The following A2ML1 variants were observed in gnomAD, a reference collection of about 807,000 sequenced individuals.
A2ML1 encodes alpha-2-macroglobulin like 1, also known as alpha-2-macroglobulin-like protein 1.
A2ML1 carries 161 observed loss-of-function variants against 181.9 expected under a neutral mutation model. The observed-to-expected ratio is 0.89, with a 90% CI of 0.78 to 1.01. The LOEUF (loss-of-function observed/expected upper bound fraction) is 1.01, where lower values mean the gene tolerates loss of function less well. Ranked by LOEUF, A2ML1 falls within the 50% of genes least tolerant of loss-of-function variation. The pLI is 0.00. For missense variants in A2ML1, 1,670 were observed against 1,768.1 expected (o/e 0.94, Z 1.00); for synonymous variants, 663 against 666.8 (o/e 0.99, Z 0.09).
chr12:8,885,223 T>C (rs996484094), intron 7 of A2ML1, among the ~76,000 whole-genome samples: 1 of 152,194 alleles, frequency 6.6e-6, no homozygotes, highest in African/African-American at 2.4e-5. Context: ...AATTTTAATA[T>C]AGTTCAAGTG....
At chr12:8,878,271 T>G (rs1456172008), downstream of A2ML1, among the ~76,000 whole-genome samples, 1 of 152,126 alleles carries the variant, frequency 6.6e-6, no homozygotes, top group Non-Finnish European at 1.5e-5. This position sits in a 1 kb window ranked among gnomAD's most constrained non-coding sequence, Gnocchi z 4.4. Context: ...CCATCGCACT[T>G]CAGCCTGGGC....
Position 8,855,698 on chromosome 12 carries a change from A to C in A2ML1, c.2848+106A>C, listed in dbSNP as rs112974204. On this transcript the variant is annotated intron_variant, in intron 23 of 35. Coordinates refer to ENST00000299698, the MANE Select transcript of A2ML1 (RefSeq NM_144670.6). The stretch of plus-strand genomic sequence containing the variant: ...GACCTATCCGGAGAGTGTAACTAAT[A>C]ACAAGTGATGAAGGAAAAAGAGCGT... 1.2e-3 allele frequency: 1,284 copies of C among 1,035,580 alleles called. 11 individuals are homozygous for C. In the African/African-American group the frequency reaches 0.018, roughly 15 times the overall value. 64.1% of individuals were successfully genotyped at this position (1,035,580 alleles called of 1,614,324 possible).
rs753356873 is a variant in A2ML1, at chr12:8,834,647, G to C, written c.463-15G>C. 6.2e-7 allele frequency: 1 copy of C among 1,613,862 alleles called. No individual in the cohort carries two copies. The highest frequency in any genetic ancestry group is 1.7e-5 in the Admixed American group (1 of 59,936). ...CAACCTTCTTTAACCCGCATTATCT[G>C]GTTTTCCTTTTCAGTACTCCATGGT... On this transcript the variant is annotated splice_polypyrimidine_tract_variant and intron_variant, in intron 4 of 35. Coordinates refer to ENST00000299698, the MANE Select transcript of A2ML1 (RefSeq NM_144670.6).
At chr12:8,845,890 A>AAAATAAAAT (rs924889702) in intron 13 of A2ML1, among the ~76,000 whole-genome samples, 187 bp from the exon 14 acceptor site, 1 of 132,852 alleles carries the variant, frequency 7.5e-6, no homozygotes, top group Non-Finnish European at 1.5e-5. Context: ...AAAATAAAAT[A>AAAATAAAAT]AAAAAATTCT....
chr12:8,836,140 C>A, intron 6 of A2ML1, 115 bp from the exon 7 acceptor site: 7 of 717,724 alleles, frequency 9.8e-6, no homozygotes, highest in Admixed American at 5.2e-5. Flanking sequence ...CTAAATAATG[C>A]CTCCTTCATT....
At chr12:8,838,187 GT>G (rs1480844964) in intron 8 of A2ML1, 148 bp from the exon 9 acceptor site, 8 of 543,326 alleles carry the variant, frequency 1.5e-5, no homozygotes, top group African/African-American at 3.8e-5. Flanking sequence ...ATGTGCAAGT[GT>G]ATACTTCATG....
intron 33 of A2ML1, among the ~76,000 whole-genome samples, chr12:8,870,347 A>G (rs1253788609): frequency 6.6e-6 from 1 of 151,974 alleles, no homozygotes; most frequent in East Asian, 1.9e-4. Flanking sequence ...AGCTCACTGT[A>G]AGCTCTGCCT....
Position 8,823,846 on chromosome 12 carries a change from C to G in A2ML1, c.373C>G (p.Gln125Glu). The change falls in exon 3 of 36, where the codon CAG becomes GAG. Residue 125 changes from glutamine to glutamate, a missense_variant. Transcript: ENST00000299698. The part of the protein sequence containing the change: ...IQRQGNGTFV[Q>E]TDKPLYTPGQ... The stretch of plus-strand genomic sequence containing the variant: ...GAGGCAGGGGAACGGCACCTTTGTA[C>G]AGACTGACAAACCTCTCTACACCCC... 1 of 1,613,878 alleles carries G rather than the reference C, an allele frequency of 6.2e-7. No homozygotes were observed. The highest frequency in any genetic ancestry group is 8.5e-7 in the Non-Finnish European group (1 of 1,179,898).
Position 8,852,119 on chromosome 12 carries a change from A to G in A2ML1, c.2464-91A>G. On this transcript the variant is annotated intron_variant, in intron 19 of 35. Transcript: ENST00000299698. The surrounding 1 kb of genome is among the most constrained non-coding windows in gnomAD (Gnocchi z 4.2). ...CCCAATTTTCCCTGGGAAAGAGAGG[A>G]GATGTCGGCGTCTCAGCCCCCAGGT... The G allele has an allele frequency of 6.3e-7, 1 of 1,589,470 alleles. No individual in the cohort carries two copies. Among genetic ancestry groups the G allele is most frequent in the South Asian group, 1.1e-5 (1 of 88,320 alleles).
chr12:8,836,587 G>A (rs899514559), intron 7 of A2ML1, among the ~76,000 whole-genome samples: 7 of 150,210 alleles, frequency 4.7e-5, no homozygotes, highest in Non-Finnish European at 7.4e-5. Context: ...GGGTTCAAGC[G>A]ATTCTCCTGC....
chr12:8,833,521 G>A (rs977334770), intron 4 of A2ML1, among the ~76,000 whole-genome samples: 6 of 151,866 alleles, frequency 4.0e-5, no homozygotes, highest in East Asian at 3.9e-4. Context: ...CTCAGCCTCC[G>A]GAGTAGCTGG....
At chr12:8,823,983 A>T in intron 3 of A2ML1, 101 bp downstream of exon 3, 2 of 1,332,132 alleles carry the variant, frequency 1.5e-6, no homozygotes, top group South Asian at 1.7e-5. Context: ...TTGGAAAAAA[A>T]GGAGTGCAGA....
chr12:8,872,811 G>GAA (rs1241353651), intron 33 of A2ML1, among the ~76,000 whole-genome samples: 5,419 of 146,454 alleles, frequency 0.037, 346 homozygotes, highest in African/African-American at 0.13. Context: ...AAAAGAAAAA[G>GAA]AAAATAACTA....
At position 8,852,648 on chromosome 12, in the gene A2ML1, C is replaced by T. The variant is rs1943931896; in HGVS notation, c.2590+312C>T. Among the ~76,000 whole-genome samples, 1 of 152,204 alleles carries T rather than the reference C, an allele frequency of 6.6e-6. No individual in the cohort carries two copies. The highest frequency in any genetic ancestry group is 2.4e-5 in the African/African-American group (1 of 41,452). ...GTCCCTGGGCCAGGCACTATTCTAA[C>T]TGCTTTACATATATTAACTCATTAA... On this transcript the variant is annotated intron_variant, in intron 20 of 35. Coordinates refer to ENST00000299698, the MANE Select transcript of A2ML1 (RefSeq NM_144670.6). This position sits in a 1 kb window ranked among gnomAD's most constrained non-coding sequence, Gnocchi z 4.2.
At position 8,848,758 on chromosome 12, in the gene A2ML1, C is replaced by A. The variant is rs1416558233; in HGVS notation, c.1872C>A (p.Pro624=). ...GMFPFWYGHY[P]YQVAEYDQCP... is the part of the protein sequence containing the mutation. Reference sequence around the variant, plus strand: ...TTCCATTCTGGTATGGTCACTACCCCTATCAAGTGGCTGAGTATGATCAGT... The same window carrying A: ...TTCCATTCTGGTATGGTCACTACCCATATCAAGTGGCTGAGTATGATCAGT... Residue 624 remains proline (P), a synonymous_variant, in exon 16 of 36, where the codon CCC becomes CCA. Coordinates refer to ENST00000299698, the MANE Select transcript of A2ML1 (RefSeq NM_144670.6). 1.9e-6 allele frequency: 3 copies of A among 1,613,674 alleles called. No homozygotes were observed. The highest frequency in any genetic ancestry group is 2.5e-6 in the Non-Finnish European group (3 of 1,179,836).
intron 31 of A2ML1, 47 bp from the exon 32 acceptor site, chr12:8,868,490 G>T (rs780076005): frequency 1.2e-6 from 2 of 1,602,312 alleles, no homozygotes; most frequent in East Asian, 2.2e-5. Context: ...GATGCAGAGT[G>T]CACTGAAGTA....
intron 27 of A2ML1, 84 bp from the exon 28 acceptor site, chr12:8,861,051 C>G: frequency 1.2e-6 from 2 of 1,605,554 alleles, no homozygotes; most frequent in South Asian, 2.2e-5. Flanking sequence ...CTTTTAAGGT[C>G]AAGAAGGATA....
chr12:8,843,847 T>C (rs917696845), intron 12 of A2ML1, among the ~76,000 whole-genome samples: 3 of 151,870 alleles, frequency 2.0e-5, no homozygotes, highest in Admixed American at 6.6e-5. Flanking sequence ...GCCTCCCAAG[T>C]AGCTGGGACT....
chr12:8,858,615 A>G (rs1592144465), intron 26 of A2ML1, among the ~76,000 whole-genome samples: 1 of 152,054 alleles, frequency 6.6e-6, no homozygotes, highest in East Asian at 1.9e-4. Flanking sequence ...GGACTGGAAC[A>G]TGGTTCTCAA....
Sources: gnomAD v4.1 joint callset for allele counts (sites outside exome capture counted in the v4.1 genomes callset) on GRCh38, gnomAD v4.1.1 for gene constraint, Gnocchi (gnomAD v3.1) non-coding constraint, MANE v1.5 for transcripts, NCBI Gene and HGNC (gene_info 2026-07-23, HGNC 2026-07-21) for gene names.